The following ACOT11 variants were observed in gnomAD, a reference collection of about 807,000 sequenced individuals.
ACOT11 encodes acyl-CoA thioesterase 11, also known as acyl-coenzyme A thioesterase 11.
ACOT11 carries 69 observed loss-of-function variants against 77.5 expected under a neutral mutation model. That is an observed-to-expected ratio of 0.89 (90% CI 0.73 to 1.09). The LOEUF is 1.09. Among genes scored for constraint, ACOT11 ranks in the 50% least tolerant of loss-of-function variants. ACOT11 has a pLI of 0.00. For missense variants in ACOT11, 766 were observed against 813.7 expected (o/e 0.94, Z 0.71); for synonymous variants, 279 against 313.0 (o/e 0.89, Z 1.15).
intron 1 of ACOT11, among the ~76,000 whole-genome samples, chr1:54,569,654 C>T (rs1043422694): frequency 2.0e-5 from 3 of 152,158 alleles, no homozygotes; most frequent in African/African-American, 7.2e-5. Flanking sequence ...ACAGGGTGCC[C>T]ATTTGGTTAC....
chr1:54,616,570 C>T (rs1435921482), intron 15 of ACOT11, among the ~76,000 whole-genome samples: 1 of 152,024 alleles, frequency 6.6e-6, no homozygotes, highest in East Asian at 1.9e-4. Flanking sequence ...CGGGGTTTCA[C>T]CATATTGGCC....
intron 7 of ACOT11, 172 bp downstream of exon 7, chr1:54,597,587 C>T: frequency 2.4e-6 from 2 of 838,210 alleles, no homozygotes; most frequent in Non-Finnish European, 3.6e-6. Context: ...CCTTGTTCTA[C>T]TAAAAAAGCT....
At chr1:54,572,253 T>C (rs538271418) in intron 1 of ACOT11, among the ~76,000 whole-genome samples, 1 of 152,106 alleles carries the variant, frequency 6.6e-6, no homozygotes, top group South Asian at 2.1e-4. Flanking sequence ...TCTCTCATTC[T>C]CTCTCTCTTG....
chr1:54,583,269 G>C (rs12408715), intron 1 of ACOT11, among the ~76,000 whole-genome samples: 22,968 of 152,054 alleles, frequency 0.15, 3,177 homozygotes, highest in African/African-American at 0.37. Flanking sequence ...CGTGTTTCTG[G>C]GAACCCATAA....
chr1:54,576,493 A>T lies in ACOT11; in HGVS notation c.34-8162A>T, dbSNP rs927244117. Reference sequence around the variant, plus strand: ...AGCCTAGGTGACAGAGCAAGATCTAAAAAAAAAAAAAAAAAAAAAAGCAAA... The same window carrying T: ...AGCCTAGGTGACAGAGCAAGATCTATAAAAAAAAAAAAAAAAAAAAGCAAA... On this transcript the variant is annotated intron_variant, in intron 1 of 15. Coordinates refer to ENST00000343744, the MANE Select transcript of ACOT11 (RefSeq NM_147161.4). Among the ~76,000 whole-genome samples the T allele has an allele frequency of 8.6e-5, 11 of 128,446 alleles. No homozygotes were observed. In the South Asian group the frequency reaches 2.5e-3, roughly 29 times the overall value. The allele number at this position is 128,446 out of a possible 152,430, so 84.3% of individuals were successfully genotyped here.
chr1:54,560,591 C>T (rs533752243), intron 1 of ACOT11, among the ~76,000 whole-genome samples: 1 of 152,172 alleles, frequency 6.6e-6, no homozygotes, highest in Non-Finnish European at 1.5e-5. Flanking sequence ...TGCAGTGGTG[C>T]GATCATAGCT....
Position 54,584,918 on chromosome 1 carries a change from C to T in ACOT11, c.241+56C>T, listed in dbSNP as rs549761527. ...TGCCCCACAGGCCCAGAGCAGGGGC[C>T]GTGCTTTCAGAGATGGTCACCGTCC... On this transcript the variant is annotated intron_variant, in intron 2 of 15. Coordinates refer to ENST00000343744, the MANE Select transcript of ACOT11 (RefSeq NM_147161.4). This position sits in a 1 kb window ranked among gnomAD's most constrained non-coding sequence, Gnocchi z 6.3. 4.6e-4 allele frequency: 704 copies of T among 1,533,368 alleles called. No individual in the cohort carries two copies. The highest frequency in any genetic ancestry group is 5.5e-4 in the Non-Finnish European group (624 of 1,132,400). The allele number at this position is 1,533,368 out of a possible 1,614,324, so 95.0% of individuals were successfully genotyped here.
chr1:54,556,342 C>G (rs1457127922), intron 1 of ACOT11, among the ~76,000 whole-genome samples: 1 of 152,106 alleles, frequency 6.6e-6, no homozygotes, highest in African/African-American at 2.4e-5. Flanking sequence ...TGGCTCTGTT[C>G]TTTTTGCTCA....
At chr1:54,623,523 T>A in intron 15 of ACOT11, 1 of 716,224 alleles carries the variant, frequency 1.4e-6, no homozygotes, top group Non-Finnish European at 2.5e-6. Flanking sequence ...CCTGGTCTGC[T>A]CTGCAGCCCT....
chr1:54,575,462 AG>A (rs1258507821), intron 1 of ACOT11, among the ~76,000 whole-genome samples: 1 of 152,058 alleles, frequency 6.6e-6, no homozygotes, highest in Non-Finnish European at 1.5e-5. Flanking sequence ...GAATGGGGTG[AG>A]GGGGCAGGGA....
chr1:54,612,689 CT>C (rs1644132147), downstream of ACOT11: 1 of 1,613,736 alleles, frequency 6.2e-7, no homozygotes, highest in South Asian at 1.1e-5. Context: ...TGGGATACTT[CT>C]CCTGGACCAG....
At chr1:54,572,876 T>A (rs1353254496) in intron 1 of ACOT11, 1 of 966,300 alleles carries the variant, frequency 1.0e-6, no homozygotes, top group Non-Finnish European at 1.2e-6. Context: ...TTTCTGCACC[T>A]GAGAGAGGCC....
Position 54,627,699 on chromosome 1 carries a change from T to C in ACOT11, c.1630-3035T>C, listed in dbSNP as rs907880909. Among the ~76,000 whole-genome samples the C allele has an allele frequency of 4.5e-5, 6 of 133,652 alleles. 2 individuals are homozygous for C. The highest frequency in any genetic ancestry group is 1.5e-4 in the African/African-American group (6 of 39,294). The allele number at this position is 133,652 out of a possible 152,430, so 87.7% of individuals were successfully genotyped here. On this transcript the variant is annotated intron_variant, in intron 15 of 16. Coordinates refer to the ACOT11 transcript ENST00000371316. ...CATGGAAAGTGGCAGTGGGCCCAGG[T>C]TGGGGCATGCAGGATGGAGAAGACA...
At chr1:54,563,613 A>G (rs1302790757) in intron 1 of ACOT11, among the ~76,000 whole-genome samples, 1 of 152,208 alleles carries the variant, frequency 6.6e-6, no homozygotes, top group Non-Finnish European at 1.5e-5. Context: ...ACATGTGTGT[A>G]TTCTTTTACA....
rs747297820 is a variant in ACOT11 at position 54,585,914 on chromosome 1, C to G, written c.311+10C>G. The G allele has an allele frequency of 6.2e-6, 10 of 1,613,718 alleles. No individual in the cohort carries two copies. The highest frequency in any genetic ancestry group is 1.1e-5 in the South Asian group (1 of 91,008). Reference sequence around the variant, plus strand: ...TTGAGCACACCATTAGGTAAGTGGCCCCTCCTGCCTCAAGGTCCTCTGGGC... The same window carrying G: ...TTGAGCACACCATTAGGTAAGTGGCGCCTCCTGCCTCAAGGTCCTCTGGGC... On this transcript the variant is annotated intron_variant, in intron 3 of 15. Transcript: ENST00000343744.
At chr1:54,554,834 A>AT (rs1557644200) in intron 1 of ACOT11, among the ~76,000 whole-genome samples, 1 of 152,036 alleles carries the variant, frequency 6.6e-6, no homozygotes, top group African/African-American at 2.4e-5. Context: ...TCTATTTTTA[A>AT]TTTTTTGAGG....
At chr1:54,624,823 A>G (rs983457869) in intron 15 of ACOT11, among the ~76,000 whole-genome samples, 1 of 152,126 alleles carries the variant, frequency 6.6e-6, no homozygotes, top group African/African-American at 2.4e-5. Flanking sequence ...CTGAAGGTAC[A>G]GGAGGGAGAG....
intron 1 of ACOT11, among the ~76,000 whole-genome samples, chr1:54,563,541 T>C (rs1419674591): frequency 6.6e-6 from 1 of 152,254 alleles, no homozygotes; most frequent in Admixed American, 6.5e-5. Context: ...TTAGTAAGGA[T>C]GCACCAGGAT....
downstream of ACOT11, among the ~76,000 whole-genome samples, chr1:54,615,085 A>G (rs770675388): frequency 2.0e-5 from 3 of 152,134 alleles, no homozygotes; most frequent in Non-Finnish European, 2.9e-5. Flanking sequence ...AGGAGTTCCC[A>G]TCTCCTGCGG....
Sources: allele counts gnomAD v4.1 joint callset (sites outside exome capture counted in the v4.1 genomes callset), GRCh38; gene constraint gnomAD v4.1.1; non-coding constraint Gnocchi (gnomAD v3.1); transcripts MANE v1.5; gene names NCBI Gene and HGNC (gene_info 2026-07-23, HGNC 2026-07-21).